SLIT2: variants seen among roughly 807,000 people sequenced by gnomAD.
SLIT2 encodes slit homolog 2 protein.
Under a neutral mutation model 185.7 loss-of-function variants are expected in SLIT2, and 41 were observed. The ratio of observed to expected loss-of-function variants is 0.22; its 90% CI spans 0.17 to 0.29. The LOEUF (loss-of-function observed/expected upper bound fraction) is 0.29. Among genes scored for constraint, SLIT2 ranks in the 10% least tolerant of loss-of-function variants. SLIT2 has a pLI of 1.00. For missense variants in SLIT2, 1,571 were observed against 1,909.0 expected, an observed-to-expected ratio of 0.82 and a Z score of 3.30; for synonymous variants, 693 against 680.2, an observed-to-expected ratio of 1.02 and a Z score of -0.29.
chr4:20,483,147 T>G (rs1041007926), intron 6 of SLIT2, among the ~76,000 whole-genome samples: 2 of 152,036 alleles, frequency 1.3e-5, no homozygotes, highest in African/African-American at 4.8e-5. Flanking sequence ...TTCCAAGGGT[T>G]TTAGATTTTT....
chr4:20,343,936 C>T (rs929205077), intron 4 of SLIT2, among the ~76,000 whole-genome samples: 1 of 152,000 alleles, frequency 6.6e-6, no homozygotes, highest in Non-Finnish European at 1.5e-5. Flanking sequence ...CTGTAACCTC[C>T]GCCTCCTGGG....
At chr4:20,391,698 T>C (rs1239122917) in intron 4 of SLIT2, among the ~76,000 whole-genome samples, 1 of 152,124 alleles carries the variant, frequency 6.6e-6, no homozygotes, top group African/African-American at 2.4e-5. Flanking sequence ...GTTATCTTTC[T>C]GAGTTGTAGG....
At chr4:20,605,506 T>C (rs1578011804) in intron 33 of SLIT2, among the ~76,000 whole-genome samples, 1 of 152,296 alleles carries the variant, frequency 6.6e-6, no homozygotes, top group East Asian at 1.9e-4. Context: ...CTTGTAGTTT[T>C]TGTGAATCAT....
intron 4 of SLIT2, among the ~76,000 whole-genome samples, chr4:20,422,991 G>A (rs866358608): frequency 3.3e-5 from 5 of 151,994 alleles, no homozygotes; most frequent in Non-Finnish European, 1.5e-5. Context: ...CTATTCACTT[G>A]CCTTTATTTC....
chr4:20,340,853 G>A (rs1403089802), intron 4 of SLIT2, among the ~76,000 whole-genome samples: 2 of 152,088 alleles, frequency 1.3e-5, no homozygotes, highest in African/African-American at 4.8e-5. Flanking sequence ...GGCCTGCCTC[G>A]GCCTCCCAGA....
At chr4:20,481,999 T>C (rs1445788389) in intron 6 of SLIT2, among the ~76,000 whole-genome samples, 2 of 152,032 alleles carry the variant, frequency 1.3e-5, no homozygotes, top group Non-Finnish European at 2.9e-5. Flanking sequence ...AAAGTGCTTA[T>C]CATATACATT....
At chr4:20,335,624 C>T (rs1014055516) in intron 4 of SLIT2, among the ~76,000 whole-genome samples, 1 of 152,026 alleles carries the variant, frequency 6.6e-6, no homozygotes, top group Admixed American at 6.6e-5. Flanking sequence ...GTCAAGGAAC[C>T]AGCACTGGGT....
At chr4:20,375,749 A>T (rs980005171) in intron 4 of SLIT2, among the ~76,000 whole-genome samples, 1 of 152,038 alleles carries the variant, frequency 6.6e-6, no homozygotes, top group African/African-American at 2.4e-5. Flanking sequence ...CCATCAAAGG[A>T]TCTAATTTTA....
chr4:20,252,927 T>C lies in SLIT2; in HGVS notation c.-889T>C, dbSNP rs1317698917. Among the ~76,000 whole-genome samples the C allele has an allele frequency of 6.6e-6, 1 of 152,152 alleles. No individual in the cohort carries two copies. Among genetic ancestry groups the C allele is most frequent in the Non-Finnish European group, 1.5e-5 (1 of 68,012 alleles). ...AGCTCTCATCCTCCACTTGGCCTCT[T>C]GGAGTTCCTCGCCGGAGTGCTGACT... On this transcript the variant is annotated 5_prime_UTR_variant, in exon 1 of 37. Coordinates refer to ENST00000504154, the MANE Select transcript of SLIT2 (RefSeq NM_004787.4).
intron 29 of SLIT2, among the ~76,000 whole-genome samples, chr4:20,578,124 C>T (rs1439473772): frequency 6.6e-6 from 1 of 152,132 alleles, no homozygotes; most frequent in African/African-American, 2.4e-5. Context: ...TGATCTGGGT[C>T]TCCATTAACA....
intron 9 of SLIT2, among the ~76,000 whole-genome samples, chr4:20,509,656 G>T (rs1034899957): frequency 6.6e-6 from 1 of 152,090 alleles, no homozygotes; most frequent in Admixed American, 6.6e-5. Context: ...ATGTTTGTTT[G>T]GAGTGAAAGG....
intron 4 of SLIT2, among the ~76,000 whole-genome samples, chr4:20,322,943 G>GT (rs1362139962): frequency 1.8e-4 from 27 of 152,138 alleles, no homozygotes; most frequent in Admixed American, 1.6e-3. Context: ...CAGTGGATTA[G>GT]TTGAGTACCA....
intron 33 of SLIT2, among the ~76,000 whole-genome samples, chr4:20,598,854 G>C (rs1435621193): frequency 6.6e-6 from 1 of 152,110 alleles, no homozygotes; most frequent in Non-Finnish European, 1.5e-5. Context: ...ACAATCTCCT[G>C]TCTGTGTTCC....
chr4:20,395,190 T>C (rs1368563202), intron 4 of SLIT2, among the ~76,000 whole-genome samples: 4 of 151,976 alleles, frequency 2.6e-5, no homozygotes, highest in African/African-American at 9.7e-5. Flanking sequence ...TGTGAGTGGG[T>C]GTTTTGCTAT....
At chr4:20,379,629 C>T (rs988760536) in intron 4 of SLIT2, among the ~76,000 whole-genome samples, 1 of 152,084 alleles carries the variant, frequency 6.6e-6, no homozygotes, top group Non-Finnish European at 1.5e-5. Context: ...GAGTGGTTGG[C>T]ATTTTAAAGA....
intron 4 of SLIT2, among the ~76,000 whole-genome samples, chr4:20,278,175 C>G (rs2109048461): frequency 6.6e-6 from 1 of 151,424 alleles, no homozygotes; most frequent in East Asian, 1.9e-4. Flanking sequence ...ATGATGTAGT[C>G]TTTTTCTAAA....
Position 20,510,555 on chromosome 4 carries a change from G to T in SLIT2, c.975G>T (p.Lys325Asn). Residue 325 changes from lysine to asparagine, a missense_variant, in exon 10 of 37, where the codon AAG (lysine) becomes AAT (asparagine). Coordinates refer to ENST00000504154, the MANE Select transcript of SLIT2 (RefSeq NM_004787.4). ...CTGGAGCTTTCTCACCATATAAAAAGCTTAGACGAATGTGAGTGAACAATA... is the reference window on the plus strand; with the variant it reads ...CTGGAGCTTTCTCACCATATAAAAATCTTAGACGAATGTGAGTGAACAATA... ...IPPGAFSPYK[K>N]LRRIDLSNNQ... 1.2e-6 allele frequency: 2 copies of T among 1,601,044 alleles called. No homozygotes were observed. Among genetic ancestry groups the T allele is most frequent in the Non-Finnish European group, 1.7e-6 (2 of 1,168,814 alleles).
chr4:20,408,851 T>C (rs1317030576), intron 4 of SLIT2, among the ~76,000 whole-genome samples: 1 of 152,102 alleles, frequency 6.6e-6, no homozygotes, highest in Admixed American at 6.5e-5. Flanking sequence ...AAGTGACAGT[T>C]TTCTTATACA....
Position 20,316,902 on chromosome 4 carries a change from G to A in SLIT2, c.395+48021G>A, listed in dbSNP as rs561674475. Among the ~76,000 whole-genome samples the A allele has an allele frequency of 2.9e-4, 43 of 150,226 alleles. No homozygotes were observed. In the East Asian group the frequency reaches 7.6e-3, roughly 27 times the overall value. Reference sequence around the variant, plus strand: ...TCTTGGTTTATTGTGAACAAGGAAAGCAAATAATCAAGCTGGCTGAATTAT... The same window carrying A: ...TCTTGGTTTATTGTGAACAAGGAAAACAAATAATCAAGCTGGCTGAATTAT... On this transcript the variant is annotated intron_variant, in intron 4 of 36. Coordinates refer to ENST00000504154, the MANE Select transcript of SLIT2 (RefSeq NM_004787.4).
Sources: allele counts gnomAD v4.1 joint callset (sites outside exome capture counted in the v4.1 genomes callset), GRCh38; gene constraint gnomAD v4.1.1; transcripts MANE v1.5; gene names NCBI Gene and HGNC (gene_info 2026-07-23, HGNC 2026-07-21).